Variants in WDR41 observed in about 807,000 individuals in gnomAD.
WDR41 encodes WD repeat domain 41.
A neutral mutation model predicts 69.3 loss-of-function variants in WDR41; 63 were observed. The observed-to-expected ratio is 0.91, with a 90% CI of 0.74 to 1.12. The LOEUF is 1.12. Among genes scored for constraint, WDR41 ranks in the 50% most tolerant of loss-of-function variants. WDR41 has a pLI of 0.00. For missense variants in WDR41, 543 were observed against 534.5 expected, an observed-to-expected ratio of 1.02 and a Z score of -0.16; for synonymous variants, 185 against 192.1, an observed-to-expected ratio of 0.96 and a Z score of 0.31.
At chr5:77,471,923 T>C (rs1422430237) in intron 2 of WDR41, among the ~76,000 whole-genome samples, 2 of 152,150 alleles carry the variant, frequency 1.3e-5, no homozygotes, top group African/African-American at 4.8e-5. Flanking sequence ...CCTTAACTCA[T>C]GAGGCCAGCA....
intron 1 of WDR41, among the ~76,000 whole-genome samples, chr5:77,597,694 C>A (rs1308201615): frequency 6.6e-6 from 1 of 152,114 alleles, no homozygotes; most frequent in Non-Finnish European, 1.5e-5. Context: ...AAGGGTGGTA[C>A]CTGACTCATA....
chr5:77,497,996 G>T lies in WDR41; in HGVS notation c.43-8424C>A, dbSNP rs183292732. ...TAAGTGAAATAAACCAAACACAGTA[G>T]AATAAATATTGTATGATTCCACTAT... On this transcript the variant is annotated intron_variant, in intron 1 of 5. Coordinates refer to the WDR41 transcript ENST00000509971. Among the ~76,000 whole-genome samples, 415 of 152,268 alleles carry T rather than the reference G, an allele frequency of 2.7e-3. 2 individuals carry two copies. Among genetic ancestry groups the T allele is most frequent in the African/African-American group, 9.3e-3 (387 of 41,532 alleles).
chr5:77,599,640 T>C (rs1392171764), intron 1 of WDR41, among the ~76,000 whole-genome samples: 1 of 152,168 alleles, frequency 6.6e-6, no homozygotes, highest in Non-Finnish European at 1.5e-5. Flanking sequence ...CAGGGTCCCA[T>C]GGTGGGAAGA....
intron 1 of WDR41, among the ~76,000 whole-genome samples, chr5:77,597,131 GAAGAAA>G (rs941596792): frequency 4.6e-5 from 7 of 150,818 alleles, no homozygotes; most frequent in African/African-American, 1.5e-4. Context: ...AAAAAAAAAA[GAAGAAA>G]AAGAAAAAAA....
At chr5:77,437,157 A>C (rs542854617) in intron 11 of WDR41, among the ~76,000 whole-genome samples, 179 bp downstream of exon 11, 1 of 152,378 alleles carries the variant, frequency 6.6e-6, no homozygotes, top group East Asian at 1.9e-4. Flanking sequence ...GTTCTACATT[A>C]GGGCAGTATT....
At chr5:77,453,074 G>A (rs1482512369) in intron 6 of WDR41, among the ~76,000 whole-genome samples, 1 of 152,148 alleles carries the variant, frequency 6.6e-6, no homozygotes, top group Non-Finnish European at 1.5e-5. Context: ...GTTTTCCTAA[G>A]TCATTATGTT....
At chr5:77,461,715 G>A (rs1184692682) in intron 4 of WDR41, among the ~76,000 whole-genome samples, 2 of 152,036 alleles carry the variant, frequency 1.3e-5, no homozygotes, top group African/African-American at 2.4e-5. Flanking sequence ...GCAGGCGCCT[G>A]TAGTCCCAGC....
chr5:77,538,510 G>T (rs1027061636), intron 1 of WDR41, among the ~76,000 whole-genome samples: 1 of 152,058 alleles, frequency 6.6e-6, no homozygotes, highest in African/African-American at 2.4e-5. Context: ...TTATGTCCAG[G>T]TGTATCCAAT....
chr5:77,532,986 T>C (rs1328568889), intron 1 of WDR41, among the ~76,000 whole-genome samples: 1 of 152,154 alleles, frequency 6.6e-6, no homozygotes, highest in Non-Finnish European at 1.5e-5. Flanking sequence ...TTATGTTATG[T>C]ACTTCCTTGC....
chr5:77,460,460 A>G (rs1223180075), intron 4 of WDR41, among the ~76,000 whole-genome samples: 2 of 152,318 alleles, frequency 1.3e-5, no homozygotes, highest in African/African-American at 4.8e-5. Flanking sequence ...ATTCACAAGC[A>G]GAACATTTAA....
At chr5:77,481,719 T>C (rs963348712) in intron 2 of WDR41, among the ~76,000 whole-genome samples, 1 of 137,726 alleles carries the variant, frequency 7.3e-6, no homozygotes, top group South Asian at 2.3e-4. Context: ...TGGGAAGCGG[T>C]GGTTGGAGTG....
At chr5:77,459,158 A>G (rs754801400) in intron 4 of WDR41, 34 bp from the exon 5 acceptor site, 4 of 1,453,780 alleles carry the variant, frequency 2.8e-6, no homozygotes, top group Non-Finnish European at 3.8e-6. Flanking sequence ...TTCTAAACAG[A>G]ATTTTAAAAT....
intron 1 of WDR41, among the ~76,000 whole-genome samples, chr5:77,592,832 G>A (rs1240128567): frequency 5.3e-5 from 8 of 152,286 alleles, no homozygotes; most frequent in African/African-American, 1.7e-4. Flanking sequence ...TAGGTATGGA[G>A]AACCCTTGTG....
At chr5:77,570,326 C>T (rs1256420658) in intron 1 of WDR41, among the ~76,000 whole-genome samples, 1 of 151,522 alleles carries the variant, frequency 6.6e-6, no homozygotes. Context: ...TTATTATTTA[C>T]TATTAAAAAT....
At chr5:77,574,244 G>A (rs973269026) in intron 1 of WDR41, among the ~76,000 whole-genome samples, 2 of 152,102 alleles carry the variant, frequency 1.3e-5, no homozygotes, top group Non-Finnish European at 2.9e-5. Flanking sequence ...GGTGCAGTGA[G>A]CCGAGATCGC....
At position 77,433,149 on chromosome 5, in the gene WDR41, A is replaced by G. The variant is rs149727108; in HGVS notation, c.1366T>C (p.Tyr456His). ...AATTCCTTAAACTAGACAGCAAGGT[A>G]TAAGTCACCATTCTCCTCTAATTTT... The part of the protein sequence containing the change: ...FQKLEENGDL[Y>H]LAV Residue 456 changes from tyrosine (Y) to histidine (H), a missense_variant, in exon 13 of 13, where the codon TAC becomes CAC. Coordinates refer to ENST00000296679, the MANE Select transcript of WDR41 (RefSeq NM_018268.4). 7.0e-4 allele frequency: 1,135 copies of G among 1,613,400 alleles called. 8 individuals are homozygous for G. The African/African-American group carries it at 0.01, about 15-fold the overall frequency.
intron 2 of WDR41, among the ~76,000 whole-genome samples, chr5:77,478,355 G>T (rs568393983): frequency 5.3e-5 from 8 of 152,154 alleles, no homozygotes; most frequent in African/African-American, 1.2e-4. Context: ...TACCAAAGCC[G>T]GGCAGAGACA....
chr5:77,477,119 GCTAA>G (rs1340072268), intron 2 of WDR41, among the ~76,000 whole-genome samples: 9 of 147,772 alleles, frequency 6.1e-5, no homozygotes, highest in African/African-American at 2.4e-4. Context: ...AACAAGAAGA[GCTAA>G]CTATCCTAAA....
chr5:77,602,427 A>G (rs1300669100), intron 1 of WDR41, among the ~76,000 whole-genome samples: 2 of 152,206 alleles, frequency 1.3e-5, no homozygotes, highest in Non-Finnish European at 2.9e-5. Context: ...GGCATGAGCC[A>G]TCGTGCCCAG....
Sources: allele counts gnomAD v4.1 joint callset (sites outside exome capture counted in the v4.1 genomes callset), GRCh38; gene constraint gnomAD v4.1.1; transcripts MANE v1.5; gene names NCBI Gene and HGNC (gene_info 2026-07-23, HGNC 2026-07-21).